NFATC2: variants seen among roughly 807,000 people sequenced by gnomAD.
NFATC2 encodes the protein nuclear factor of activated T-cells, cytoplasmic 2.
A neutral mutation model predicts 87.3 loss-of-function variants in NFATC2; 22 were observed. The observed-to-expected ratio is 0.25, with a 90% CI of 0.18 to 0.36. The LOEUF is 0.36. Among genes scored for constraint, NFATC2 ranks in the 10% least tolerant of loss-of-function variants. The probability of loss-of-function intolerance (pLI) is 1.00; values close to 1 mark genes in which losing one functional copy is unlikely to be tolerated. For synonymous variants in NFATC2, 565 were observed against 542.2 expected (o/e 1.04, Z -0.58); for missense variants, 1,149 against 1,259.1 (o/e 0.91, Z 1.32).
intron 3 of NFATC2, among the ~76,000 whole-genome samples, chr20:51,502,515 G>T (rs1032168751): frequency 6.6e-6 from 1 of 151,812 alleles, no homozygotes; most frequent in African/African-American, 2.4e-5. Flanking sequence ...TGTTTTTTTT[G>T]GTAGAGACAA....
rs188488351 is a variant in NFATC2 at position 51,487,167 on chromosome 20, G to A, written c.1333-11507C>T. ...GTATCTACTATCTGCAGAGGCCTGG[G>A]CTCTGGGAGAAGCAGGGGATCCCCA... On this transcript the variant is annotated intron_variant, in intron 3 of 10. Coordinates refer to ENST00000371564, the MANE Select transcript of NFATC2 (RefSeq NM_012340.5). 2.4e-4 allele frequency among the ~76,000 whole-genome samples: 36 copies of A among 152,348 alleles called. 1 individual carries two copies. Among genetic ancestry groups the A allele is most frequent in the Admixed American group, 2.2e-3 (33 of 15,306 alleles).
Position 51,463,426 on chromosome 20 carries a change from G to A in NFATC2, c.1709-8738C>T, listed in dbSNP as rs116559029. Among the ~76,000 whole-genome samples the A allele has an allele frequency of 6.2e-3, 946 of 152,312 alleles. 9 individuals are homozygous for A. The highest frequency in any genetic ancestry group is 0.022 in the African/African-American group (904 of 41,572). On this transcript the variant is annotated intron_variant, in intron 5 of 10. Transcript: ENST00000371564. ...CTCATATGGAGAAATGCAGCAGCACGGCCCCTCCTGTGAGACTTTCCTATC... is the reference window on the plus strand; with the variant it reads ...CTCATATGGAGAAATGCAGCAGCACAGCCCCTCCTGTGAGACTTTCCTATC...
intron 3 of NFATC2, among the ~76,000 whole-genome samples, chr20:51,485,084 T>C (rs919886867): frequency 2.6e-5 from 4 of 152,220 alleles, no homozygotes; most frequent in Non-Finnish European, 2.9e-5. Context: ...GCAAGCACGC[T>C]CACTCAAGAG....
At chr20:51,509,368 A>G (rs932743660) in intron 3 of NFATC2, among the ~76,000 whole-genome samples, 3 of 152,190 alleles carry the variant, frequency 2.0e-5, no homozygotes, top group African/African-American at 4.8e-5. Context: ...CCTGTGGTTC[A>G]CTGCCATATT....
Position 51,388,029 on chromosome 20 carries a change from C to T in NFATC2, c.*3467G>A, listed in dbSNP as rs1985949288. ...AACAAAAAATGCAATATCCGTGCCT[C>T]CCAGTTCTTTGAAGGAATCAATTCA... On this transcript the variant is annotated 3_prime_UTR_variant, in exon 11 of 11. Coordinates refer to ENST00000371564, the MANE Select transcript of NFATC2 (RefSeq NM_012340.5). 2 of 152,118 alleles carry T rather than the reference C, an allele frequency of 1.3e-5. No homozygotes were observed. The highest frequency in any genetic ancestry group is 4.8e-5 in the African/African-American group (2 of 41,472). The allele number at this position is 152,118 out of a possible 1,614,324, so 9.4% of individuals were successfully genotyped here.
At chr20:51,397,669 C>T (rs1043358301) in intron 10 of NFATC2, among the ~76,000 whole-genome samples, 7 of 152,254 alleles carry the variant, frequency 4.6e-5, no homozygotes, top group Admixed American at 4.6e-4. Context: ...GGGACAGTGG[C>T]AGATGGCTGG....
chr20:51,480,218 T>C lies in NFATC2; in HGVS notation c.1333-4558A>G, dbSNP rs550954318. 3.5e-4 allele frequency among the ~76,000 whole-genome samples: 53 copies of C among 151,904 alleles called. No individual in the cohort carries two copies. Among genetic ancestry groups the C allele is most frequent in the Non-Finnish European group, 3.4e-4 (23 of 67,954 alleles). ...CAGGAGAATCACTTGAACCCGGGGG[T>C]TGGAGGTGGCAGTGAGCCGATATTG... On this transcript the variant is annotated intron_variant, in intron 3 of 10. Coordinates refer to ENST00000371564, the MANE Select transcript of NFATC2 (RefSeq NM_012340.5). This position sits in a 1 kb window ranked among gnomAD's most constrained non-coding sequence, Gnocchi z 4.2.
intron 9 of NFATC2, among the ~76,000 whole-genome samples, chr20:51,409,986 G>A (rs1004346075): frequency 3.9e-5 from 6 of 152,102 alleles, no homozygotes; most frequent in African/African-American, 9.7e-5. Context: ...TGAGGTGGGC[G>A]GATCACGAGG....
At chr20:51,417,386 C>T (rs1318777382) in intron 9 of NFATC2, among the ~76,000 whole-genome samples, 1 of 152,158 alleles carries the variant, frequency 6.6e-6, no homozygotes, top group Non-Finnish European at 1.5e-5. Flanking sequence ...TCCATGACGC[C>T]GCCGTCATTA....
At chr20:51,477,947 C>T (rs1200129416) in intron 3 of NFATC2, among the ~76,000 whole-genome samples, 1 of 152,202 alleles carries the variant, frequency 6.6e-6, no homozygotes, top group African/African-American at 2.4e-5. Context: ...TCAGAAGCCA[C>T]ATGTGGCTAG....
intron 3 of NFATC2, among the ~76,000 whole-genome samples, chr20:51,478,387 G>T (rs1203537588): frequency 1.3e-5 from 2 of 152,214 alleles, no homozygotes; most frequent in African/African-American, 4.8e-5. Flanking sequence ...AGGATGGAGA[G>T]TGAGCCCTGA....
At chr20:51,502,502 TTG>T (rs1316643004) in intron 3 of NFATC2, among the ~76,000 whole-genome samples, 7 of 152,016 alleles carry the variant, frequency 4.6e-5, no homozygotes, top group Non-Finnish European at 1.0e-4. Flanking sequence ...TTTTTTGTTT[TTG>T]TGTTTTTTTT....
At chr20:51,509,100 C>G (rs6013205) in intron 3 of NFATC2, among the ~76,000 whole-genome samples, 68,501 of 151,806 alleles carry the variant, frequency 0.45, 15,628 homozygotes, top group South Asian at 0.51. Context: ...CAGCCCTGCT[C>G]TCTCCTCAGC....
chr20:51,537,192 G>T (rs975360717), intron 1 of NFATC2, among the ~76,000 whole-genome samples: 1 of 144,602 alleles, frequency 6.9e-6, no homozygotes, highest in South Asian at 2.3e-4. Flanking sequence ...GCTGAGAAAT[G>T]ACATCAAAAG....
intron 3 of NFATC2, among the ~76,000 whole-genome samples, chr20:51,488,541 C>T (rs931851399): frequency 2.0e-5 from 3 of 152,218 alleles, no homozygotes; most frequent in South Asian, 2.1e-4. Context: ...CCCTGGGACA[C>T]GAAATCACTC....
chr20:51,505,783 C>T (rs932289406), intron 3 of NFATC2, among the ~76,000 whole-genome samples: 2 of 152,236 alleles, frequency 1.3e-5, no homozygotes, highest in Admixed American at 1.3e-4. Context: ...GAGCTGCGCA[C>T]AGAACACATA....
At chr20:51,401,562 GC>G (rs111401033) in intron 9 of NFATC2, among the ~76,000 whole-genome samples, 2,275 of 152,274 alleles carry the variant, frequency 0.015, 59 homozygotes, top group African/African-American at 0.052. Flanking sequence ...ATATGGAGAT[GC>G]GGACGTCAAG....
chr20:51,453,419 G>C (rs768631878), intron 6 of NFATC2, among the ~76,000 whole-genome samples: 10 of 152,088 alleles, frequency 6.6e-5, no homozygotes, highest in African/African-American at 2.2e-4. Flanking sequence ...ATTGTTCTAA[G>C]GACAATAAAC....
chr20:51,555,831 T>C (rs138833279), intron 1 of NFATC2, among the ~76,000 whole-genome samples: 123 of 152,276 alleles, frequency 8.1e-4, no homozygotes, highest in African/African-American at 2.7e-3. Context: ...GATATTGCCT[T>C]AGAGAGGAAG....
Sources: allele counts gnomAD v4.1 joint callset (sites outside exome capture counted in the v4.1 genomes callset), GRCh38; gene constraint gnomAD v4.1.1; non-coding constraint Gnocchi (gnomAD v3.1); transcripts MANE v1.5; gene names NCBI Gene and HGNC (gene_info 2026-07-23, HGNC 2026-07-21).